Variants in KIAA1217 observed in about 807,000 individuals in gnomAD.
The protein encoded by KIAA1217 is sickle tail protein homolog.
Under a neutral mutation model 163.9 loss-of-function variants are expected in KIAA1217, and 88 were observed. The observed-to-expected ratio is 0.54, with a 90% CI of 0.45 to 0.64. The LOEUF is 0.64. KIAA1217 is among the 30% of genes least tolerant of loss of function. KIAA1217 has a pLI of 0.00. For missense variants in KIAA1217, 2,372 were observed against 2,475.0 expected, an observed-to-expected ratio of 0.96 and a Z score of 0.88; for synonymous variants, 903 against 923.1, an observed-to-expected ratio of 0.98 and a Z score of 0.39.
chr10:23,792,760 CCAA>C (rs1456351999), intron 1 of KIAA1217, among the ~76,000 whole-genome samples: 2 of 151,970 alleles, frequency 1.3e-5, no homozygotes, highest in Non-Finnish European at 2.9e-5. Flanking sequence ...TCTCGGCCTC[CCAA>C]AGTACTGGGA....
intron 2 of KIAA1217, among the ~76,000 whole-genome samples, chr10:24,030,835 C>T (rs531745945): frequency 6.6e-6 from 1 of 152,322 alleles, no homozygotes; most frequent in East Asian, 1.9e-4. Context: ...TATTGCAGCA[C>T]ATGTCAGAAG....
At position 24,545,859 on chromosome 10, in the gene KIAA1217, C is replaced by T. The variant is rs774249989; in HGVS notation, c.5367C>T (p.Asp1789=). The T allele has an allele frequency of 8.4e-5, 135 of 1,608,248 alleles. No homozygotes were observed. The East Asian group carries it at 3.0e-3, about 36-fold the overall frequency. ...ANGSAKKSGG[D]FKPTSPSLPA... ...GAAGTGCTAAGAAATCTGGTGGGGA[C>T]TTTAAGCCTACTTCCCCCTCCTTAC... Residue 1789 remains aspartate, a synonymous_variant, in exon 21 of 21, where the codon GAC becomes GAT. Coordinates refer to ENST00000376454, the MANE Select transcript of KIAA1217 (RefSeq NM_019590.5).
intron 12 of KIAA1217, among the ~76,000 whole-genome samples, chr10:24,523,878 T>A (rs756510952): frequency 6.6e-6 from 1 of 152,176 alleles, no homozygotes; most frequent in Non-Finnish European, 1.5e-5. Context: ...ACTGTGTACC[T>A]TGTGGCAAGA....
rs1450986696 is a variant in KIAA1217 at position 23,790,379 on chromosome 10, A to G, written c.-321+95145A>G. On this transcript the variant is annotated intron_variant, in intron 1 of 18. Coordinates refer to the KIAA1217 transcript ENST00000376462. ...TATGCATATATACATATACATATGT[A>G]TATATACATATGTATATATACATAT... Among the ~76,000 whole-genome samples the G allele has an allele frequency of 4.6e-5, 5 of 109,444 alleles. 1 individual carries two copies. The highest frequency in any genetic ancestry group is 5.4e-5 in the Non-Finnish European group (3 of 55,110). The allele number at this position is 109,444 out of a possible 152,430, so 71.8% of individuals were successfully genotyped here.
At chr10:24,228,902 G>A (rs1015213575) in intron 2 of KIAA1217, among the ~76,000 whole-genome samples, 3 of 152,194 alleles carry the variant, frequency 2.0e-5, no homozygotes, top group South Asian at 4.1e-4. Flanking sequence ...CTATCTGTAA[G>A]TAATGGCATC....
chr10:24,362,322 A>T (rs2050137715), intron 2 of KIAA1217, among the ~76,000 whole-genome samples: 1 of 152,218 alleles, frequency 6.6e-6, no homozygotes, highest in African/African-American at 2.4e-5. Context: ...GAAATTTGAT[A>T]AAAATAGCAC....
At chr10:24,385,233 T>G (rs1451021897) in intron 3 of KIAA1217, among the ~76,000 whole-genome samples, 1 of 152,248 alleles carries the variant, frequency 6.6e-6, no homozygotes, top group African/African-American at 2.4e-5. Flanking sequence ...GAGATAAACC[T>G]GCCTGCCTCT....
chr10:24,208,553 C>A (rs994283211), upstream of KIAA1217, among the ~76,000 whole-genome samples: 1 of 151,990 alleles, frequency 6.6e-6, no homozygotes, highest in Non-Finnish European at 1.5e-5. Flanking sequence ...AAAGTTAGTG[C>A]CGGAAAGTGC....
chr10:23,904,957 C>CA (rs1336069892), intron 1 of KIAA1217, among the ~76,000 whole-genome samples: 1 of 139,832 alleles, frequency 7.2e-6, no homozygotes, highest in Non-Finnish European at 1.6e-5. Context: ...TCTAAATCTT[C>CA]TTTTTTTTTT....
At chr10:24,508,627 CTT>C (rs2068681366) in intron 9 of KIAA1217, among the ~76,000 whole-genome samples, 1 of 152,162 alleles carries the variant, frequency 6.6e-6, no homozygotes, top group Admixed American at 6.5e-5. Flanking sequence ...AAATAAGTGA[CTT>C]GAGCAAGATC....
At position 24,545,679 on chromosome 10, in the gene KIAA1217, CACA is replaced by C. The variant is rs553109358; in HGVS notation, c.5335-143_5335-141del. 3.7e-5 allele frequency: 54 copies of C among 1,452,394 alleles called. No homozygotes were observed. The East Asian group carries it at 9.4e-4, about 25-fold the overall frequency. 90.0% of individuals were successfully genotyped at this position (1,452,394 alleles called of 1,614,324 possible). A position where few individuals can be genotyped will look rare whatever the true frequency, so the allele number is the denominator to read the frequency against. ...GGGGTTTCTACCAGGTCCAGTAGAG[CACA>C]ACAAGACTTAGCTCAGGCCTTGAAC... On this transcript the variant is annotated intron_variant, in intron 20 of 20. Coordinates refer to ENST00000376454, the MANE Select transcript of KIAA1217 (RefSeq NM_019590.5).
intron 1 of KIAA1217, among the ~76,000 whole-genome samples, chr10:24,217,101 T>C (rs1372406365): frequency 6.9e-6 from 1 of 144,492 alleles, no homozygotes; most frequent in East Asian, 2.0e-4. Flanking sequence ...TTGGCTGATA[T>C]GAAACACATG....
Position 24,023,802 on chromosome 10 carries a change from G to A in KIAA1217, c.-171+16428G>A, listed in dbSNP as rs568499346. On this transcript the variant is annotated intron_variant, in intron 2 of 18. Coordinates refer to the KIAA1217 transcript ENST00000376462. The stretch of plus-strand genomic sequence containing the variant: ...CATAGCAATGAAAAAACACAAATAC[G>A]TATGACAACATGGATGAATCCTGCA... Among the ~76,000 whole-genome samples the A allele has an allele frequency of 1.5e-4, 22 of 151,610 alleles. No homozygotes were observed. The South Asian group carries it at 3.1e-3, about 21-fold the overall frequency.
At chr10:24,180,538 C>G (rs1267624366) in intron 2 of KIAA1217, among the ~76,000 whole-genome samples, 4 of 152,092 alleles carry the variant, frequency 2.6e-5, no homozygotes, top group Non-Finnish European at 5.9e-5. Context: ...CCTCTGAACT[C>G]ATATACTCAT....
intron 1 of KIAA1217, among the ~76,000 whole-genome samples, chr10:23,994,169 A>G (rs1846358799): frequency 6.6e-6 from 1 of 152,210 alleles, no homozygotes; most frequent in South Asian, 2.1e-4. Context: ...GACCTGGCTT[A>G]GAAAAACCCT....
chr10:23,765,708 C>T lies in KIAA1217; in HGVS notation c.-321+70474C>T, dbSNP rs544716484. ...AGTGTTTGGCAGATCCCCCGATCAG[C>T]GCTCTCCTGCTGTCATGTAATACAT... is the stretch of plus-strand genomic sequence containing the variant. On this transcript the variant is annotated intron_variant, in intron 1 of 18. Transcript: ENST00000376462. Among the ~76,000 whole-genome samples, 6 of 152,260 alleles carry T rather than the reference C, an allele frequency of 3.9e-5. No individual in the cohort carries two copies. The South Asian group carries it at 6.2e-4, about 16-fold the overall frequency.
chr10:23,763,683 G>T (rs1015809402), intron 1 of KIAA1217, among the ~76,000 whole-genome samples: 2 of 152,300 alleles, frequency 1.3e-5, no homozygotes, highest in Non-Finnish European at 1.5e-5. Context: ...CAGGACATAA[G>T]CATGGGCGAA....
intron 2 of KIAA1217, among the ~76,000 whole-genome samples, chr10:24,251,043 A>G (rs1564344174): frequency 6.6e-6 from 1 of 151,882 alleles, no homozygotes; most frequent in African/African-American, 2.4e-5. Flanking sequence ...CCTGGGCAAC[A>G]TGATGAAACC....
At chr10:23,766,691 C>A (rs1456973013) in intron 1 of KIAA1217, among the ~76,000 whole-genome samples, 1 of 150,324 alleles carries the variant, frequency 6.7e-6, no homozygotes, top group South Asian at 2.1e-4. Flanking sequence ...CGGTTTCAAG[C>A]GATTATTGTG....
Sources: allele counts gnomAD v4.1 joint callset (sites outside exome capture counted in the v4.1 genomes callset), GRCh38; gene constraint gnomAD v4.1.1; transcripts MANE v1.5; gene names NCBI Gene and HGNC (gene_info 2026-07-23, HGNC 2026-07-21).